CDC14B: variants seen among roughly 807,000 people sequenced by gnomAD.
CDC14B encodes the protein dual specificity protein phosphatase CDC14B.
A neutral mutation model predicts 64.2 loss-of-function variants in CDC14B; 22 were observed. The ratio of observed to expected loss-of-function variants is 0.34; its 90% confidence interval spans 0.24 to 0.49. CDC14B has a LOEUF of 0.49. Among genes scored for constraint, CDC14B ranks in the 20% least tolerant of loss-of-function variants. CDC14B has a pLI of 0.99. For missense variants in CDC14B, 498 were observed against 629.9 expected (o/e 0.79, Z 2.24); for synonymous variants, 191 against 215.8 (o/e 0.89, Z 1.01).
chr9:96,588,027 A>G (rs1428057746), intron 1 of CDC14B, among the ~76,000 whole-genome samples: 1 of 152,180 alleles, frequency 6.6e-6, no homozygotes, highest in African/African-American at 2.4e-5. Flanking sequence ...TATTCCAGAA[A>G]GGAAAACCAA....
intron 1 of CDC14B, among the ~76,000 whole-genome samples, chr9:96,571,760 CAG>C (rs1429697054): frequency 3.9e-5 from 6 of 152,210 alleles, no homozygotes; most frequent in South Asian, 2.1e-4. Context: ...CCTTGGGAAA[CAG>C]AGTCTCTTTG....
At chr9:96,525,326 T>C (rs754573757) in intron 9 of CDC14B, among the ~76,000 whole-genome samples, 1 of 151,972 alleles carries the variant, frequency 6.6e-6, no homozygotes, top group Non-Finnish European at 1.5e-5. Context: ...AGTAAGGCTT[T>C]TGGACTTCTG....
At chr9:96,563,736 T>C (rs1398083448) in intron 3 of CDC14B, among the ~76,000 whole-genome samples, 1 of 149,370 alleles carries the variant, frequency 6.7e-6, no homozygotes, top group Non-Finnish European at 1.5e-5. Context: ...AGTCCACAGA[T>C]GGTTGAGTAC....
chr9:96,598,222 T>G (rs1427293096), intron 1 of CDC14B, among the ~76,000 whole-genome samples: 1 of 152,266 alleles, frequency 6.6e-6, no homozygotes, highest in Non-Finnish European at 1.5e-5. Context: ...AAACTCAACC[T>G]ATACTCATAA....
intron 12 of CDC14B, among the ~76,000 whole-genome samples, chr9:96,517,604 A>G (rs1835904917): frequency 7.4e-6 from 1 of 135,058 alleles, no homozygotes; most frequent in Admixed American, 7.8e-5. Flanking sequence ...AGATTGCGCC[A>G]CTGCACTCCA....
intron 9 of CDC14B, among the ~76,000 whole-genome samples, chr9:96,527,871 T>C (rs1036715922): frequency 2.0e-5 from 3 of 152,120 alleles, no homozygotes; most frequent in African/African-American, 7.2e-5. Context: ...CACCTCAGCC[T>C]CCCAAAGTGC....
In CDC14B at chr9:96,539,159, CT is replaced by C; in HGVS notation, c.565-20del. 1.3e-6 allele frequency: 2 copies of C among 1,553,810 alleles called. No homozygotes were observed. The highest frequency in any genetic ancestry group is 1.8e-6 in the Non-Finnish European group (2 of 1,128,206). On this transcript the variant is annotated intron_variant, in intron 6 of 13. Transcript: ENST00000375241. The stretch of plus-strand genomic sequence containing the variant: ...GCATTGCCTAAAATCCAAAAGAAAG[CT>C]TTTAAGAACAAGGATGCAAATAAGA...
intron 1 of CDC14B, among the ~76,000 whole-genome samples, chr9:96,597,638 G>C (rs1368747843): frequency 3.2e-5 from 4 of 123,356 alleles, no homozygotes; most frequent in Non-Finnish European, 7.1e-5. Context: ...TAGACATTCA[G>C]AAGATGAAAG....
intron 1 of CDC14B, among the ~76,000 whole-genome samples, chr9:96,602,757 A>T (rs1846581616): frequency 6.6e-6 from 1 of 152,176 alleles, no homozygotes; most frequent in Admixed American, 6.6e-5. Context: ...CACACAACCA[A>T]GTCTAACCTA....
At chr9:96,599,681 G>A (rs185741591) in intron 1 of CDC14B, among the ~76,000 whole-genome samples, 1 of 152,064 alleles carries the variant, frequency 6.6e-6, no homozygotes, top group Non-Finnish European at 1.5e-5. Flanking sequence ...GGCAACATAA[G>A]ATGCTTTCAT....
intron 5 of CDC14B, among the ~76,000 whole-genome samples, chr9:96,546,791 G>C (rs895907669): frequency 1.3e-5 from 2 of 151,734 alleles, no homozygotes; most frequent in Non-Finnish European, 2.9e-5. Flanking sequence ...GGCCGGGCTC[G>C]GTGGCTCATG....
chr9:96,558,045 A>G (rs1412158276), intron 4 of CDC14B, among the ~76,000 whole-genome samples: 1 of 152,220 alleles, frequency 6.6e-6, no homozygotes, highest in Non-Finnish European at 1.5e-5. Context: ...AGATGTAACC[A>G]AAGTTGAAAG....
chr9:96,512,689 A>G (rs561219008), intron 12 of CDC14B, among the ~76,000 whole-genome samples: 1 of 152,330 alleles, frequency 6.6e-6, no homozygotes, highest in South Asian at 2.1e-4. Flanking sequence ...AAGAATTTGA[A>G]TATAGAATTT....
chr9:96,576,932 C>T (rs1347476861), intron 1 of CDC14B, among the ~76,000 whole-genome samples: 2 of 152,090 alleles, frequency 1.3e-5, no homozygotes, highest in Non-Finnish European at 2.9e-5. Flanking sequence ...TACACATAGA[C>T]CATGTTCAAT....
At chr9:96,543,339 C>CA (rs769986555) in intron 5 of CDC14B, among the ~76,000 whole-genome samples, 4,180 of 134,314 alleles carry the variant, frequency 0.031, 89 homozygotes, top group Non-Finnish European at 0.042. Flanking sequence ...AGACTCGTCT[C>CA]AAAAAAAAAA....
intron 1 of CDC14B, among the ~76,000 whole-genome samples, chr9:96,580,006 G>A (rs76071577): frequency 0.059 from 9,029 of 151,770 alleles, 898 homozygotes; most frequent in African/African-American, 0.21. Context: ...CTATTTCTAT[G>A]AAAATCTTAA....
chr9:96,583,245 G>A (rs1194171609), intron 1 of CDC14B, among the ~76,000 whole-genome samples: 1 of 151,970 alleles, frequency 6.6e-6, no homozygotes, highest in African/African-American at 2.4e-5. Flanking sequence ...AATATTTTAT[G>A]GATACACCCC....
chr9:96,537,062 G>A (rs1360029542), intron 7 of CDC14B, among the ~76,000 whole-genome samples: 4 of 152,228 alleles, frequency 2.6e-5, no homozygotes, highest in African/African-American at 7.2e-5. Flanking sequence ...GACTGAGGCA[G>A]GTAGATCCCT....
chr9:96,613,448 T>G (rs893832025), intron 1 of CDC14B, among the ~76,000 whole-genome samples: 1 of 152,236 alleles, frequency 6.6e-6, no homozygotes. Context: ...TTATTCCACC[T>G]TCCATTCATG....
Sources: gnomAD v4.1 joint callset for allele counts (sites outside exome capture counted in the v4.1 genomes callset) on GRCh38, gnomAD v4.1.1 for gene constraint, MANE v1.5 for transcripts, NCBI Gene and HGNC (gene_info 2026-07-23, HGNC 2026-07-21) for gene names.